KIF13B: variants seen among roughly 807,000 people sequenced by gnomAD.
The protein encoded by KIF13B is kinesin family member 13B, also known as kinesin-like protein KIF13B.
Under a neutral mutation model 222.0 loss-of-function variants are expected in KIF13B, and 127 were observed. The ratio of observed to expected loss-of-function variants is 0.57; its 90% CI spans 0.50 to 0.66. The LOEUF is 0.66. Ranked by LOEUF, KIF13B falls within the 30% of genes least tolerant of loss-of-function variation. The pLI, the probability that KIF13B is intolerant of heterozygous loss-of-function variation, is 0.00. For missense variants in KIF13B, 2,173 were observed against 2,379.0 expected, an observed-to-expected ratio of 0.91 and a Z score of 1.80; for synonymous variants, 976 against 919.0, an observed-to-expected ratio of 1.06 and a Z score of -1.12.
rs1810464872 is a variant in KIF13B, at chr8:29,134,219, A to C, written c.2614-9T>G. 4 of 1,612,222 alleles carry C rather than the reference A, an allele frequency of 2.5e-6. No homozygotes were observed. The highest frequency in any genetic ancestry group is 3.3e-5 in the Admixed American group (2 of 59,776). On this transcript the variant is annotated splice_polypyrimidine_tract_variant and intron_variant, in intron 21 of 39. Coordinates refer to ENST00000524189, the MANE Select transcript of KIF13B (RefSeq NM_015254.4). ...GCTTGCAGGATTTTAACCTGAAGGA[A>C]AAAGAAGGCTCTGTGTTTTGAAATC...
At position 29,167,506 on chromosome 8, in the gene KIF13B, G is replaced by A. The variant is rs1183816207; in HGVS notation, c.1025C>T (p.Ser342Leu). 6.2e-7 allele frequency: 1 copy of A among 1,614,026 alleles called. No individual in the cohort carries two copies. The highest frequency in any genetic ancestry group is 1.3e-5 in the African/African-American group (1 of 75,056). Reference sequence around the variant, plus strand: ...GGCTCGATCTGCATACCGCAGAGTTGAGAGGGTTTCATCATAGTTATCAGC... The same window carrying A: ...GGCTCGATCTGCATACCGCAGAGTTAAGAGGGTTTCATCATAGTTATCAGC... ...PAADNYDETL[S>L]TLRYADRAKH... The change falls in exon 11 of 40, where the codon TCA (serine) becomes TTA (leucine). Residue 342 changes from serine to leucine, a missense_variant. By Grantham distance (145) the Ser-to-Leu change is moderately radical. Around this residue, in one of 2 missense-constraint regions of KIF13B, gnomAD observed 1,480 missense variants for 1,722.8 expected, o/e 0.86. Transcript: ENST00000524189.
chr8:29,166,145 C>T (rs183798236), intron 11 of KIF13B, among the ~76,000 whole-genome samples: 1 of 152,296 alleles, frequency 6.6e-6, no homozygotes, highest in East Asian at 1.9e-4. Flanking sequence ...AGGAATTTAT[C>T]CACATATGTA....
intron 2 of KIF13B, among the ~76,000 whole-genome samples, chr8:29,211,977 C>T (rs1814248635): frequency 6.6e-6 from 1 of 152,128 alleles, no homozygotes; most frequent in South Asian, 2.1e-4. Flanking sequence ...TACCTGGTGT[C>T]TATCACTTAG....
At position 29,070,391 on chromosome 8, in the gene KIF13B, A is replaced by C; in HGVS notation, c.*113T>G. 1.7e-6 allele frequency: 2 copies of C among 1,206,590 alleles called. No individual in the cohort carries two copies. The highest frequency in any genetic ancestry group is 5.1e-5 in the East Asian group (2 of 39,490). 74.7% of individuals were successfully genotyped at this position (1,206,590 alleles called of 1,614,324 possible). A position where few individuals can be genotyped will look rare whatever the true frequency, so the allele number is the denominator to read the frequency against. ...GCCCTGTGTCGTGCAAAAAGCATTC[A>C]TCGCCCTGCCCCTGGGGAAGGGGCC... is the stretch of plus-strand genomic sequence containing the variant. On this transcript the variant is annotated 3_prime_UTR_variant, in exon 40 of 40. Transcript: ENST00000524189. The surrounding 1 kb of genome is among the most constrained non-coding windows in gnomAD (Gnocchi z 4.1).
chr8:29,141,198 G>T (rs1397170776), intron 19 of KIF13B, among the ~76,000 whole-genome samples: 4 of 152,170 alleles, frequency 2.6e-5, no homozygotes, highest in Non-Finnish European at 4.4e-5. Context: ...GCCAGGTGTG[G>T]TGGTGGGCGC....
At chr8:29,151,889 T>C (rs1408521372) in intron 14 of KIF13B, among the ~76,000 whole-genome samples, 1 of 134,950 alleles carries the variant, frequency 7.4e-6, no homozygotes, top group Non-Finnish European at 1.8e-5. Flanking sequence ...CTATAGCTGC[T>C]ATAGACAGTG....
intron 13 of KIF13B, among the ~76,000 whole-genome samples, chr8:29,159,308 C>T (rs919224319): frequency 1.3e-5 from 2 of 151,968 alleles, no homozygotes; most frequent in African/African-American, 4.8e-5. Flanking sequence ...GTACCACCAC[C>T]CCGGCTAATT....
In KIF13B at chr8:29,118,996, A is replaced by G; in HGVS notation, c.3536-4T>C. 6.2e-7 allele frequency: 1 copy of G among 1,611,848 alleles called. No homozygotes were observed. Among genetic ancestry groups the G allele is most frequent in the Non-Finnish European group, 8.5e-7 (1 of 1,179,260 alleles). Reference sequence around the variant, plus strand: ...TCCTGAGAGCTGAAATCATCAGCTAAAAGCAAAGAAGTTCCATTAAATACT... The same window carrying G: ...TCCTGAGAGCTGAAATCATCAGCTAGAAGCAAAGAAGTTCCATTAAATACT... On this transcript the variant is annotated splice_polypyrimidine_tract_variant and splice_region_variant and intron_variant, in intron 29 of 39. Coordinates refer to ENST00000524189, the MANE Select transcript of KIF13B (RefSeq NM_015254.4).
chr8:29,199,574 CAAAAAAAAAAAA>C (rs10579222), intron 2 of KIF13B, among the ~76,000 whole-genome samples: 1 of 119,456 alleles, frequency 8.4e-6, no homozygotes, highest in Non-Finnish European at 1.7e-5. Context: ...TTCCAAAATC[CAAAAAAAAAAAA>C]AAAAAAAAAG....
Position 29,176,198 on chromosome 8 carries a change from C to T in KIF13B, c.834-19G>A, listed in dbSNP as rs1305288244. ...GAGGGACCTGCATGGTGCAACAAAC[C>T]AAAATAATTACAAAAATGAAATATA... is the stretch of plus-strand genomic sequence containing the variant. On this transcript the variant is annotated intron_variant, in intron 9 of 39. Transcript: ENST00000524189. 1 of 1,393,022 alleles carries T rather than the reference C, an allele frequency of 7.2e-7. No homozygotes were observed. The highest frequency in any genetic ancestry group is 1.2e-5 in the South Asian group (1 of 83,576). 86.3% of individuals were successfully genotyped at this position (1,393,022 alleles called of 1,614,324 possible). A position where few individuals can be genotyped will look rare whatever the true frequency, so the allele number is the denominator to read the frequency against.
At chr8:29,079,812 G>A (rs1004518571) in intron 37 of KIF13B, among the ~76,000 whole-genome samples, 2 of 152,052 alleles carry the variant, frequency 1.3e-5, no homozygotes, top group African/African-American at 4.8e-5. Flanking sequence ...AATCCTCTAA[G>A]TCTTGTTTTA....
At chr8:29,222,195 A>G (rs565227332) in intron 2 of KIF13B, among the ~76,000 whole-genome samples, 1 of 152,090 alleles carries the variant, frequency 6.6e-6, no homozygotes, top group South Asian at 2.1e-4. Context: ...AAAAAAGAAA[A>G]AAAGAATTAG....
chr8:29,209,203 T>C (rs17059786), intron 2 of KIF13B, among the ~76,000 whole-genome samples: 27,188 of 152,034 alleles, frequency 0.18, 2,663 homozygotes, highest in African/African-American at 0.24. Context: ...GAAAACCAGA[T>C]GAGAGGCACC....
Position 29,162,081 on chromosome 8 carries a change from G to A in KIF13B, c.1270-1214C>T, listed in dbSNP as rs531734381. Among the ~76,000 whole-genome samples, 84 of 152,244 alleles carry A rather than the reference G, an allele frequency of 5.5e-4. 1 individual carries two copies. The highest frequency in any genetic ancestry group is 1.9e-3 in the African/African-American group (80 of 41,546). ...GAACATCTGTACATCGTAAGGATAT[G>A]GGCATGGATCTCACAACCAGATGCT... On this transcript the variant is annotated intron_variant, in intron 12 of 39. Transcript: ENST00000524189.
chr8:29,143,589 T>C (rs1323323967), intron 18 of KIF13B, among the ~76,000 whole-genome samples: 1 of 152,240 alleles, frequency 6.6e-6, no homozygotes, highest in Non-Finnish European at 1.5e-5. Flanking sequence ...GGCTCACGCC[T>C]GTAATCCCAG....
At chr8:29,170,623 G>C (rs935986462) in intron 10 of KIF13B, among the ~76,000 whole-genome samples, 3 of 152,128 alleles carry the variant, frequency 2.0e-5, no homozygotes, top group Non-Finnish European at 4.4e-5. Flanking sequence ...AGATGGGAGG[G>C]GAAAGCATGT....
intron 2 of KIF13B, among the ~76,000 whole-genome samples, chr8:29,241,858 T>C (rs1164032910): frequency 6.6e-6 from 1 of 152,184 alleles, no homozygotes; most frequent in Non-Finnish European, 1.5e-5. Flanking sequence ...AAAATATTTT[T>C]TTTAAAAAAG....
intron 14 of KIF13B, among the ~76,000 whole-genome samples, chr8:29,154,304 A>T (rs536261620): frequency 6.6e-6 from 1 of 152,002 alleles, no homozygotes; most frequent in African/African-American, 2.4e-5. Flanking sequence ...GTGACAGAAT[A>T]AGGCCCTGTC....
Position 29,071,280 on chromosome 8 carries a change from A to C in KIF13B, c.5218+340T>G, listed in dbSNP as rs1807260384. Among the ~76,000 whole-genome samples the C allele has an allele frequency of 6.6e-6, 1 of 152,146 alleles. No homozygotes were observed. Among genetic ancestry groups the C allele is most frequent in the Non-Finnish European group, 1.5e-5 (1 of 68,016 alleles). On this transcript the variant is annotated intron_variant, in intron 39 of 39. Transcript: ENST00000524189. The surrounding 1 kb of genome is among the most constrained non-coding windows in gnomAD (Gnocchi z 4.9). ...GTGAGGAAGAGCCTCCTGGAACGGC[A>C]AAGGGGAGATGCTCTAAGGTGAAGG...
Sources: gnomAD v4.1 joint callset for allele counts (sites outside exome capture counted in the v4.1 genomes callset) on GRCh38, gnomAD v4.1.1 for gene constraint, gnomAD v4.1.1 regional missense constraint, Gnocchi (gnomAD v3.1) non-coding constraint, MANE v1.5 for transcripts, NCBI Gene and HGNC (gene_info 2026-07-23, HGNC 2026-07-21) for gene names.